The following GABRG3 variants were observed in gnomAD, a reference collection of about 807,000 sequenced individuals.
GABRG3 encodes the protein gamma-aminobutyric acid type A receptor subunit gamma3, also known as gamma-aminobutyric acid receptor subunit gamma-3.
In GABRG3, 25 loss-of-function variants were observed where a neutral mutation model predicts 48.8. The observed-to-expected ratio is 0.51, with a 90% confidence interval of 0.37 to 0.72. The LOEUF (loss-of-function observed/expected upper bound fraction) is 0.72. GABRG3 is among the 30% of genes least tolerant of loss of function. The pLI is 0.00. For missense variants in GABRG3, 394 were observed against 577.9 expected (o/e 0.68, Z 3.26); for synonymous variants, 227 against 217.6 (o/e 1.04, Z -0.38).
intron 5 of GABRG3, among the ~76,000 whole-genome samples, chr15:27,371,635 C>T (rs1163144885): frequency 2.0e-5 from 3 of 152,146 alleles, no homozygotes; most frequent in African/African-American, 7.2e-5. Flanking sequence ...GCTGTAAAGG[C>T]AACTCGTTTC....
chr15:27,300,544 C>G (rs538853723), intron 3 of GABRG3, among the ~76,000 whole-genome samples: 1 of 152,030 alleles, frequency 6.6e-6, no homozygotes, highest in Non-Finnish European at 1.5e-5. Flanking sequence ...GTAATCCCAG[C>G]TACTTGAGAG....
intron 3 of GABRG3, among the ~76,000 whole-genome samples, chr15:27,307,651 T>G (rs1262385303): frequency 7.9e-6 from 1 of 126,186 alleles, no homozygotes; most frequent in Non-Finnish European, 1.6e-5. Flanking sequence ...AAACATAGGT[T>G]TATAGGTTTA....
At chr15:27,426,123 A>C (rs1023906920) in intron 5 of GABRG3, among the ~76,000 whole-genome samples, 1 of 152,208 alleles carries the variant, frequency 6.6e-6, no homozygotes, top group South Asian at 2.1e-4. Context: ...TCTGCAAGGA[A>C]CTAAGGATAT....
Position 27,531,111 on chromosome 15 carries a change from TGGA to T in GABRG3, c.1123-1477_1123-1475del, listed in dbSNP as rs1336767260. On this transcript the variant is annotated intron_variant, in intron 9 of 9. Coordinates refer to ENST00000615808, the MANE Select transcript of GABRG3 (RefSeq NM_033223.5). Reference sequence around the variant, plus strand: ...TATTTCTGCCTACTCATCAGGATTGTGGAGGAGGAGGAGGGTGGGCAGCCGCAC... The same window carrying T: ...TATTTCTGCCTACTCATCAGGATTGTGGAGGAGGAGGGTGGGCAGCCGCAC... Among the ~76,000 whole-genome samples, 23 of 152,138 alleles carry T rather than the reference TGGA, an allele frequency of 1.5e-4. No individual in the cohort carries two copies. The East Asian group carries it at 2.7e-3, about 18-fold the overall frequency.
At chr15:27,248,150 T>C (rs948965827) in intron 3 of GABRG3, among the ~76,000 whole-genome samples, 2 of 152,236 alleles carry the variant, frequency 1.3e-5, no homozygotes, top group African/African-American at 4.8e-5. Context: ...TAACTCTTAT[T>C]GTGGCTGTGT....
chr15:27,197,465 G>A (rs1002735804), intron 3 of GABRG3, among the ~76,000 whole-genome samples: 17 of 130,156 alleles, frequency 1.3e-4, no homozygotes, highest in Middle Eastern at 4.0e-3. Context: ...TTCCTTTAAC[G>A]GCTATTTTTT....
At chr15:27,357,827 G>A (rs549835422) in intron 5 of GABRG3, among the ~76,000 whole-genome samples, 1 of 152,264 alleles carries the variant, frequency 6.6e-6, no homozygotes, top group Non-Finnish European at 1.5e-5. Flanking sequence ...TCAACAACTA[G>A]CAGTTTCTTG....
At chr15:26,999,348 G>C (rs1427776426) in intron 2 of GABRG3, among the ~76,000 whole-genome samples, 3 of 152,062 alleles carry the variant, frequency 2.0e-5, no homozygotes, top group African/African-American at 7.2e-5. Flanking sequence ...TTTTGATATA[G>C]ACAGAATATA....
intron 5 of GABRG3, among the ~76,000 whole-genome samples, chr15:27,359,097 G>C (rs1894938864): frequency 6.6e-6 from 1 of 152,220 alleles, no homozygotes; most frequent in Non-Finnish European, 1.5e-5. Flanking sequence ...TACCCCTAAG[G>C]TGGCCTCTCC....
Position 27,236,280 on chromosome 15 carries a change from T to C in GABRG3, c.271-90529T>C, listed in dbSNP as rs946442571. On this transcript the variant is annotated intron_variant, in intron 3 of 9. Coordinates refer to ENST00000615808, the MANE Select transcript of GABRG3 (RefSeq NM_033223.5). This position sits in a 1 kb window ranked among gnomAD's most constrained non-coding sequence, Gnocchi z 4.4. ...AGTCCCTCAGTCTCCCAGGGTCTAC[T>C]TGCACAGCACTGGAGGGAGACTGAA... is the stretch of plus-strand genomic sequence containing the variant. Among the ~76,000 whole-genome samples, 1 of 152,146 alleles carries C rather than the reference T, an allele frequency of 6.6e-6. No homozygotes were observed. Among genetic ancestry groups the C allele is most frequent in the African/African-American group, 2.4e-5 (1 of 41,442 alleles).
At chr15:27,439,351 T>C (rs2140630849) in intron 5 of GABRG3, among the ~76,000 whole-genome samples, 1 of 152,326 alleles carries the variant, frequency 6.6e-6, no homozygotes, top group Non-Finnish European at 1.5e-5. Flanking sequence ...TTGAAAACAC[T>C]TGATTATATG....
At chr15:27,273,008 CAAAT>C (rs1477364937) in intron 3 of GABRG3, among the ~76,000 whole-genome samples, 1 of 152,178 alleles carries the variant, frequency 6.6e-6, no homozygotes, top group East Asian at 1.9e-4. Context: ...TACACATAAA[CAAAT>C]GAATGTGGCT....
At chr15:27,424,191 A>G (rs8027172) in intron 5 of GABRG3, among the ~76,000 whole-genome samples, 6,464 of 152,202 alleles carry the variant, frequency 0.042, 451 homozygotes, top group African/African-American at 0.15. Context: ...AGTGTGATCT[A>G]TGATGGGGTC....
chr15:27,132,388 A>G (rs1475815243), intron 3 of GABRG3, among the ~76,000 whole-genome samples: 2 of 148,418 alleles, frequency 1.3e-5, no homozygotes, highest in Admixed American at 1.4e-4. Context: ...ATTGAAGAGA[A>G]TTCTCCTGTG....
Position 27,037,198 on chromosome 15 carries a change from G to A in GABRG3, c.270+10377G>A, listed in dbSNP as rs73367771. ...CTCGGCCTTCCACCTTCCAGAACCC[G>A]GAGAGAAAACACATTTGTTGTGTGA... is the stretch of plus-strand genomic sequence containing the variant. On this transcript the variant is annotated intron_variant, in intron 3 of 9. Transcript: ENST00000615808. Among the ~76,000 whole-genome samples, 496 of 152,252 alleles carry A rather than the reference G, an allele frequency of 3.3e-3. 5 individuals carry two copies. Among genetic ancestry groups the A allele is most frequent in the African/African-American group, 0.011 (467 of 41,552 alleles).
intron 5 of GABRG3, among the ~76,000 whole-genome samples, chr15:27,422,620 T>C (rs963680554): frequency 2.6e-5 from 4 of 152,250 alleles, no homozygotes; most frequent in African/African-American, 9.6e-5. Context: ...CACTGAGTTT[T>C]CTAAGGACAC....
intron 2 of GABRG3, among the ~76,000 whole-genome samples, chr15:26,990,225 A>T (rs1118399): frequency 0.35 from 52,716 of 152,050 alleles, 9,771 homozygotes; most frequent in South Asian, 0.46. Context: ...TGATTTATTA[A>T]TCTACATTTC....
chr15:26,983,629 T>G (rs1176259096), intron 2 of GABRG3, among the ~76,000 whole-genome samples: 1 of 151,856 alleles, frequency 6.6e-6, no homozygotes, highest in African/African-American at 2.4e-5. Context: ...TAAAAAATAG[T>G]CAGGTGTGGT....
intron 5 of GABRG3, among the ~76,000 whole-genome samples, chr15:27,475,657 TGTTG>T (rs1425716995): frequency 6.6e-6 from 1 of 151,816 alleles, no homozygotes; most frequent in Non-Finnish European, 1.5e-5. Context: ...ATAGTGATGA[TGTTG>T]GTGATAGTAA....
Sources: gnomAD v4.1 joint callset for allele counts (sites outside exome capture counted in the v4.1 genomes callset) on GRCh38, gnomAD v4.1.1 for gene constraint, Gnocchi (gnomAD v3.1) non-coding constraint, MANE v1.5 for transcripts, NCBI Gene and HGNC (gene_info 2026-07-23, HGNC 2026-07-21) for gene names.